TWIST1: variants seen among roughly 807,000 people sequenced by gnomAD.
TWIST1 encodes the protein twist family bHLH transcription factor 1, also known as twist-related protein 1.
In TWIST1, 8 loss-of-function variants were observed where a neutral mutation model predicts 12.9. The observed-to-expected ratio is 0.62, with a 90% CI of 0.37 to 1.12. TWIST1 has a LOEUF of 1.12. TWIST1 is among the 50% of genes most tolerant of loss of function. TWIST1 has a pLI of 0.02. For synonymous variants in TWIST1, 169 were observed against 138.7 expected, an observed-to-expected ratio of 1.22 and a Z score of -1.54; for missense variants, 268 against 299.7, an observed-to-expected ratio of 0.89 and a Z score of 0.78.
chr7:19,114,920 T>A (rs1168104777), downstream of TWIST1, among the ~76,000 whole-genome samples: 1 of 152,262 alleles, frequency 6.6e-6, no homozygotes, highest in Non-Finnish European at 1.5e-5. Context: ...AACGTCATAT[T>A]CATTCATGAG....
intron 1 of TWIST1, 88 bp downstream of exon 1, chr7:19,116,583 G>A: frequency 1.9e-6 from 2 of 1,047,688 alleles, no homozygotes; most frequent in Non-Finnish European, 2.8e-6. Context: ...GGAGAGGGGA[G>A]GAAATCGAGG....
At position 19,117,052 on chromosome 7, in the gene TWIST1, G is replaced by T. The variant is rs1788587036; in HGVS notation, c.270C>A (p.Gly90=). ...GCGGGGGAGG[G]GGSSSGGGSP... ...TCCCGCCGCCGCTGCTGCTGCCGCC[G>T]CCGCCGCCCGCGCCGCCGCCGCCGC... The change falls in exon 1 of 2, where the codon GGC becomes GGA. Residue 90 remains glycine, a synonymous_variant. Coordinates refer to ENST00000242261, the MANE Select transcript of TWIST1 (RefSeq NM_000474.4). The T allele has an allele frequency of 1.4e-6, 2 of 1,415,432 alleles. No individual in the cohort carries two copies. The highest frequency in any genetic ancestry group is 3.2e-5 in the Admixed American group (1 of 31,492). 87.7% of individuals were successfully genotyped at this position (1,415,432 alleles called of 1,614,324 possible). A position where few individuals can be genotyped will look rare whatever the true frequency, so the allele number is the denominator to read the frequency against.
Position 19,117,372 on chromosome 7 carries a change from CG to C in TWIST1, c.-52del. The C allele has an allele frequency of 7.3e-7, 1 of 1,372,818 alleles. No homozygotes were observed. The allele number at this position is 1,372,818 out of a possible 1,614,324, so 85.0% of individuals were successfully genotyped here. A position where few individuals can be genotyped will look rare whatever the true frequency, so the allele number is the denominator to read the frequency against. On this transcript the variant is annotated 5_prime_UTR_variant, in exon 1 of 2. Transcript: ENST00000242261. ...GCGGGCCCGGGGCAGAGGAGAAGAG[CG>C]GGGCGCCTCAGCCCGCCAGCTTCCC...
Position 19,117,152 on chromosome 7 carries a change from C to G in TWIST1, c.170G>C (p.Gly57Ala). Residue 57 changes from glycine (G) to alanine (A), a missense_variant, in exon 1 of 2, where the codon GGT (glycine) becomes GCT (alanine). Physicochemically the swap from Gly to Ala is moderately conservative, Grantham distance 60. This residue lies in a region of TWIST1 where 189 missense variants were observed against 172.1 expected (regional missense o/e 1.10). Transcript: ENST00000242261. Reference protein sequence around the residue: ...GGGAGPGGAAGGGVGGGDEPG... With the variant: ...GGGAGPGGAAAGGVGGGDEPG... ...CTCGTCGCCGCCTCCGACGCCCCCA[C>G]CCGCGGCTCCGCCGGGCCCCGCGCC... 1 of 1,087,264 alleles carries G rather than the reference C, an allele frequency of 9.2e-7. No homozygotes were observed. Among genetic ancestry groups the G allele is most frequent in the South Asian group, 4.3e-5 (1 of 23,082 alleles). 67.4% of individuals were successfully genotyped at this position (1,087,264 alleles called of 1,614,324 possible).
At position 19,116,868 on chromosome 7, in the gene TWIST1, C is replaced by T. The variant is rs754179756; in HGVS notation, c.454G>A (p.Ala152Thr). 1.2e-6 allele frequency: 2 copies of T among 1,614,052 alleles called. No individual in the cohort carries two copies. Among genetic ancestry groups the T allele is most frequent in the Non-Finnish European group, 1.7e-6 (2 of 1,180,018 alleles). The part of the protein sequence containing the change: ...KLSKIQTLKL[A>T]ARYIDFLYQV... ...TAGAGGAAGTCGATGTACCTGGCCG[C>T]CAGCTTGAGGGTCTGAATCTTGCTC... Residue 152 changes from alanine to threonine, a missense_variant, in exon 1 of 2, where the codon GCG becomes ACG. Transcript: ENST00000242261.
In TWIST1 at chr7:19,117,446, A is replaced by C. The variant is rs377717796; in HGVS notation, c.-125T>G. 3,310 of 1,177,786 alleles carry C rather than the reference A, an allele frequency of 2.8e-3. 56 individuals carry two copies. The African/African-American group carries it at 0.047, about 17-fold the overall frequency. The allele number at this position is 1,177,786 out of a possible 1,614,324, so 73.0% of individuals were successfully genotyped here. On this transcript the variant is annotated 5_prime_UTR_variant, in exon 1 of 2. Coordinates refer to ENST00000242261, the MANE Select transcript of TWIST1 (RefSeq NM_000474.4). Reference sequence around the variant, plus strand: ...CGATGCGGCCCGCGGAGGAGAGAGCAGGAGGACGGACGGGAGGGACCTCCG... The same window carrying C: ...CGATGCGGCCCGCGGAGGAGAGAGCCGGAGGACGGACGGGAGGGACCTCCG...
chr7:19,116,571 T>A, intron 1 of TWIST1, 100 bp downstream of exon 1: 1 of 951,908 alleles, frequency 1.1e-6, no homozygotes, highest in Non-Finnish European at 1.6e-6. Flanking sequence ...GAGCGGAGAG[T>A]GGGAGAGGGG....
downstream of TWIST1, chr7:19,113,196 A>G (rs1788504730): frequency 6.6e-6 from 1 of 152,214 alleles, no homozygotes; most frequent in South Asian, 2.1e-4. Context: ...CTTTCTTATA[A>G]CTAAAGGCTA....
downstream of TWIST1, chr7:19,113,937 T>C (rs1788517772): frequency 6.6e-6 from 1 of 152,122 alleles, no homozygotes; most frequent in African/African-American, 2.4e-5. Context: ...AAATATCAAA[T>C]AGTCAGACCA....
chr7:19,113,400 T>A (rs776467089), downstream of TWIST1: 13 of 152,218 alleles, frequency 8.5e-5, no homozygotes, highest in Non-Finnish European at 4.4e-5. Flanking sequence ...CAAGAGGTAA[T>A]TCATTCTATG....
Position 19,117,441 on chromosome 7 carries a change from A to G in TWIST1, c.-120T>C. ...CCGGGCGATGCGGCCCGCGGAGGAG[A>G]GAGCAGGAGGACGGACGGGAGGGAC... is the stretch of plus-strand genomic sequence containing the variant. On this transcript the variant is annotated 5_prime_UTR_variant, in exon 1 of 2. Coordinates refer to ENST00000242261, the MANE Select transcript of TWIST1 (RefSeq NM_000474.4). 1 of 1,194,518 alleles carries G rather than the reference A, an allele frequency of 8.4e-7. No individual in the cohort carries two copies. The highest frequency in any genetic ancestry group is 2.9e-5 in the South Asian group (1 of 34,526). 74.0% of individuals were successfully genotyped at this position (1,194,518 alleles called of 1,614,324 possible).
At position 19,117,125 on chromosome 7, in the gene TWIST1, G is replaced by A; in HGVS notation, c.197C>T (p.Pro66Leu). ...GCGCTTGCCCTGGGCCGGGCTGCCC[G>A]GCTCGTCGCCGCCTCCGACGCCCCC... Reference protein sequence around the residue: ...AGGGVGGGDEPGSPAQGKRGK... With the variant: ...AGGGVGGGDELGSPAQGKRGK... Residue 66 changes from proline to leucine, a missense_variant, in exon 1 of 2, where the codon CCG (proline) becomes CTG (leucine). By Grantham distance (98) the Pro-to-Leu change is moderately conservative (BLOSUM62 -3). This residue lies in a region of TWIST1 where 189 missense variants were observed against 172.1 expected (regional missense o/e 1.10). Transcript: ENST00000242261. 8.8e-7 allele frequency: 1 copy of A among 1,141,536 alleles called. No individual in the cohort carries two copies. Among genetic ancestry groups the A allele is most frequent in the Non-Finnish European group, 1.1e-6 (1 of 931,576 alleles). The allele number at this position is 1,141,536 out of a possible 1,614,324, so 70.7% of individuals were successfully genotyped here.
Position 19,117,463 on chromosome 7 carries a change from G to A in TWIST1, c.-142C>T, listed in dbSNP as rs1320010648. ...GAGAGAGCAGGAGGACGGACGGGAG[G>A]GACCTCCGCGGGGAGGGCGCGCGGG... is the stretch of plus-strand genomic sequence containing the variant. On this transcript the variant is annotated 5_prime_UTR_variant, in exon 1 of 2. Transcript: ENST00000242261. 8.4e-6 allele frequency: 10 copies of A among 1,189,216 alleles called. No individual in the cohort carries two copies. Among genetic ancestry groups the A allele is most frequent in the Non-Finnish European group, 1.0e-5 (10 of 955,090 alleles). 73.7% of individuals were successfully genotyped at this position (1,189,216 alleles called of 1,614,324 possible).
In TWIST1 at chr7:19,115,509, C is replaced by A. The variant is rs1396256010; in HGVS notation, c.*665G>T. ...TATTTATTTATTGCAGAAAAATATA[C>A]AAAGATATTTACAAAACAATCATAA... On this transcript the variant is annotated 3_prime_UTR_variant, in exon 2 of 2. Transcript: ENST00000242261. The A allele has an allele frequency of 6.6e-6, 1 of 152,464 alleles. No homozygotes were observed. The highest frequency in any genetic ancestry group is 1.5e-5 in the Non-Finnish European group (1 of 68,000). The allele number at this position is 152,464 out of a possible 1,614,324, so 9.4% of individuals were successfully genotyped here.
Position 19,116,079 on chromosome 7 carries a change from A to G in TWIST1, c.*95T>C, listed in dbSNP as rs1343943991. ...CATATATTTTTATTTTTAGTTATCCAGCTCCAGAGTCTCTAGACTGTCCAT... is the reference window on the plus strand; with the variant it reads ...CATATATTTTTATTTTTAGTTATCCGGCTCCAGAGTCTCTAGACTGTCCAT... On this transcript the variant is annotated 3_prime_UTR_variant, in exon 2 of 2. Coordinates refer to ENST00000242261, the MANE Select transcript of TWIST1 (RefSeq NM_000474.4). 1 of 145,084 alleles carries G rather than the reference A, an allele frequency of 6.9e-6. No homozygotes were observed. Among genetic ancestry groups the G allele is most frequent in the East Asian group, 2.3e-4 (1 of 4,372 alleles). The allele number at this position is 145,084 out of a possible 1,614,324, so 9.0% of individuals were successfully genotyped here. A position where few individuals can be genotyped will look rare whatever the true frequency, so the allele number is the denominator to read the frequency against.
downstream of TWIST1, chr7:19,114,174 AAAT>A (rs1339628464): frequency 5.9e-5 from 9 of 152,328 alleles, no homozygotes; most frequent in Admixed American, 2.6e-4. Flanking sequence ...CAAAATAAAA[AAAT>A]AATAATACTT....
At chr7:19,114,302 G>A (rs1170108265), downstream of TWIST1, 1 of 152,092 alleles carries the variant, frequency 6.6e-6, no homozygotes, top group Admixed American at 6.6e-5. Context: ...GCATTCTATG[G>A]TGCTGTGTGA....
In TWIST1 at chr7:19,116,019, G is replaced by A. The variant is rs1788557456; in HGVS notation, c.*155C>T. On this transcript the variant is annotated 3_prime_UTR_variant, in exon 2 of 2. Transcript: ENST00000242261. ...CCCACGCCCTGTTTCTTTGAATTTG[G>A]ATTTTGCTCTTCTAATTTCCAAGAA... 1 of 152,422 alleles carries A rather than the reference G, an allele frequency of 6.6e-6. No homozygotes were observed. The highest frequency in any genetic ancestry group is 2.4e-5 in the African/African-American group (1 of 41,376). The allele number at this position is 152,422 out of a possible 1,614,324, so 9.4% of individuals were successfully genotyped here. A position where few individuals can be genotyped will look rare whatever the true frequency, so the allele number is the denominator to read the frequency against.
rs1291515956 is a variant in TWIST1, at chr7:19,117,177, C to T, written c.145G>A (p.Gly49Ser). The T allele has an allele frequency of 2.2e-5, 25 of 1,123,514 alleles. No individual in the cohort carries two copies. The highest frequency in any genetic ancestry group is 4.1e-5 in the South Asian group (1 of 24,526). The allele number at this position is 1,123,514 out of a possible 1,614,324, so 69.6% of individuals were successfully genotyped here. A position where few individuals can be genotyped will look rare whatever the true frequency, so the allele number is the denominator to read the frequency against. ...CCCGCGGCTCCGCCGGGCCCCGCGC[C>T]GCCGCCCGCGCTGCGCCTGCTGCTG... is the stretch of plus-strand genomic sequence containing the variant. ...RRSSRRSAGG[G>S]AGPGGAAGGG... The change falls in exon 1 of 2, where the codon GGC becomes AGC. Residue 49 changes from glycine (G) to serine (S), a missense_variant. This residue lies in a region of TWIST1 where 189 missense variants were observed against 172.1 expected (regional missense o/e 1.10). Coordinates refer to ENST00000242261, the MANE Select transcript of TWIST1 (RefSeq NM_000474.4).
Sources: gnomAD v4.1 joint callset for allele counts (sites outside exome capture counted in the v4.1 genomes callset) on GRCh38, gnomAD v4.1.1 for gene constraint, gnomAD v4.1.1 regional missense constraint, MANE v1.5 for transcripts, NCBI Gene and HGNC (gene_info 2026-07-23, HGNC 2026-07-21) for gene names.